Variants in GPR119 observed in about 807,000 individuals in gnomAD.
GPR119 encodes glucose-dependent insulinotropic receptor.
Under a neutral mutation model 13.3 loss-of-function variants are expected in GPR119, and 7 were observed. The ratio of observed to expected loss-of-function variants is 0.53; its 90% CI spans 0.30 to 0.99. The LOEUF (loss-of-function observed/expected upper bound fraction) is 0.99, where lower values mean the gene tolerates loss of function less well. Ranked by LOEUF, GPR119 falls within the 50% of genes least tolerant of loss-of-function variation. The pLI is 0.06. For missense variants in GPR119, 197 were observed against 263.0 expected (o/e 0.75, Z 1.74); for synonymous variants, 107 against 112.5 (o/e 0.95, Z 0.31).
rs1282025416 is a variant in GPR119, at chrX:130,380,293, A to G, written c.*2263T>C. Among the ~76,000 whole-genome samples the G allele has an allele frequency of 2.7e-5, 3 of 112,322 alleles. No individual in the cohort carries two copies. Among genetic ancestry groups the G allele is most frequent in the African/African-American group, 9.7e-5 (3 of 30,863 alleles). ...AATCAAGGTCATGAGTTCAATTCCCATTTGAACCAGTTAACACTTCTCCTT... is the reference window on the plus strand; with the variant it reads ...AATCAAGGTCATGAGTTCAATTCCCGTTTGAACCAGTTAACACTTCTCCTT... On this transcript the variant is annotated 3_prime_UTR_variant, in exon 2 of 2. Coordinates refer to ENST00000682440, the MANE Select transcript of GPR119 (RefSeq NM_178471.3).
Position 130,385,390 on chromosome X carries a change from C to A in GPR119, c.58G>T (p.Ala20Ser), listed in dbSNP as rs1357426177. ...GCCACAGCCACTAGTGTGTTAGTAG[C>A]AATGATGAGGGAGGCCAGGACAGCA... The part of the protein sequence containing the change: ...ILAVLASLII[A>S]TNTLVAVAVL... Residue 20 changes from alanine to serine, a missense_variant, in exon 1 of 2, where the codon GCT becomes TCT. Physicochemically the swap from Ala to Ser is moderately conservative, Grantham distance 99. Coordinates refer to ENST00000682440, the MANE Select transcript of GPR119 (RefSeq NM_178471.3). The A allele has an allele frequency of 8.3e-7, 1 of 1,209,386 alleles. No homozygotes were observed. The highest frequency in any genetic ancestry group is 1.7e-5 in the African/African-American group (1 of 57,209).
intron 1 of GPR119, among the ~76,000 whole-genome samples, chrX:130,383,939 A>G (rs1219931862): frequency 9.0e-6 from 1 of 110,685 alleles, no homozygotes; most frequent in Non-Finnish European, 1.9e-5. Context: ...ACTTAGTATG[A>G]AAAAAAAACC....
chrX:130,385,594 T>C lies in GPR119; in HGVS notation c.-147A>G. The C allele has an allele frequency of 1.9e-6, 1 of 535,036 alleles. No homozygotes were observed. 44.1% of individuals were successfully genotyped at this position (535,036 alleles called of 1,213,427 possible). ...AGTCCAGGCTGGCAGGTCGCCATCTTTGGGATCCTACAGGTCATGAAGAAT... is the reference window on the plus strand; with the variant it reads ...AGTCCAGGCTGGCAGGTCGCCATCTCTGGGATCCTACAGGTCATGAAGAAT... On this transcript the variant is annotated 5_prime_UTR_variant, in exon 1 of 2. Coordinates refer to ENST00000682440, the MANE Select transcript of GPR119 (RefSeq NM_178471.3).
Position 130,380,879 on chromosome X carries a change from A to G in GPR119, c.*1677T>C, listed in dbSNP as rs2034355337. 8.9e-6 allele frequency among the ~76,000 whole-genome samples: 1 copy of G among 112,336 alleles called. No homozygotes were observed. The highest frequency in any genetic ancestry group is 3.2e-5 in the African/African-American group (1 of 30,909). On this transcript the variant is annotated 3_prime_UTR_variant, in exon 2 of 2. Coordinates refer to ENST00000682440, the MANE Select transcript of GPR119 (RefSeq NM_178471.3). ...AATTCACAGTAAGCTGTTCATGGAA[A>G]TAATAAATGGGACTGATTGGCCTAC...
rs2034372121 is a variant in GPR119, at chrX:130,384,440, T to C, written c.1008A>G (p.Ter336=). The C allele has an allele frequency of 8.3e-7, 1 of 1,208,714 alleles. No homozygotes were observed. Residue 336 remains the stop codon, a stop_retained_variant, in exon 1 of 2, where the codon TAA becomes TAG. Coordinates refer to ENST00000682440, the MANE Select transcript of GPR119 (RefSeq NM_178471.3). ...TTGAAACTTCTCTGCCCTTACCGTC[T>C]TAGCCATCAAACTCTGAGCTGGAGA... The part of the protein sequence containing the change: ...VTISSSEFDG[*]
At chrX:130,382,649 G>A (rs2034363881) in intron 1 of GPR119, among the ~76,000 whole-genome samples, 98 bp from the exon 2 acceptor site, 1 of 111,602 alleles carries the variant, frequency 9.0e-6, no homozygotes, top group East Asian at 2.8e-4. Context: ...GGTGAAGGTA[G>A]GGAGAAGGAA....
In GPR119 at chrX:130,385,333, C is replaced by G; in HGVS notation, c.115G>C (p.Val39Leu). 1 of 1,212,050 alleles carries G rather than the reference C, an allele frequency of 8.3e-7. No individual in the cohort carries two copies. Among genetic ancestry groups the G allele is most frequent in the Non-Finnish European group, 1.1e-6 (1 of 895,475 alleles). ...VLLLIHKNDGVSLCFTLNLAV... is the reference protein window; with the variant it reads ...VLLLIHKNDGLSLCFTLNLAV... ...AGATTCAAGGTGAAGCAGAGACTGA[C>G]ACCATCATTCTTGTGGATCAACAGC... is the stretch of plus-strand genomic sequence containing the variant. Residue 39 changes from valine to leucine, a missense_variant, in exon 1 of 2, where the codon GTC becomes CTC. Transcript: ENST00000682440.
chrX:130,384,112 G>T (rs1253132920), intron 1 of GPR119, among the ~76,000 whole-genome samples: 1 of 112,574 alleles, frequency 8.9e-6, no homozygotes, highest in Non-Finnish European at 1.9e-5. Flanking sequence ...GGACAGTGCT[G>T]CTCTGGTATA....
chrX:130,380,549 C>T lies in GPR119; in HGVS notation c.*2007G>A, dbSNP rs193182130. On this transcript the variant is annotated 3_prime_UTR_variant, in exon 2 of 2. Coordinates refer to ENST00000682440, the MANE Select transcript of GPR119 (RefSeq NM_178471.3). ...ATTAATATAAAACTTAGTCATGTTA[C>T]AATTTTAATTACAAATTCAGCCTGG... Among the ~76,000 whole-genome samples, 98 of 112,834 alleles carry T rather than the reference C, an allele frequency of 8.7e-4. 2 individuals carry two copies. Among genetic ancestry groups the T allele is most frequent in the African/African-American group, 2.6e-3 (82 of 31,099 alleles).
Position 130,379,775 on chromosome X carries a change from A to ACTTTGTGAT in GPR119, c.*2772_*2780dup, listed in dbSNP as rs1378576356. Among the ~76,000 whole-genome samples the ACTTTGTGAT allele has an allele frequency of 8.9e-6, 1 of 112,409 alleles. No individual in the cohort carries two copies. The highest frequency in any genetic ancestry group is 3.2e-5 in the African/African-American group (1 of 30,974). The stretch of plus-strand genomic sequence containing the variant: ...ATCTCTGGATAGTATAATTATGGGT[A>ACTTTGTGAT]CTTTGTGATTTCCTATGTTTGCAAA... On this transcript the variant is annotated 3_prime_UTR_variant, in exon 2 of 2. Transcript: ENST00000682440.
At position 130,381,262 on chromosome X, in the gene GPR119, T is replaced by C. The variant is rs138544747; in HGVS notation, c.*1294A>G. Among the ~76,000 whole-genome samples the C allele has an allele frequency of 0.035, 3,925 of 111,420 alleles. 152 individuals are homozygous for C. The highest frequency in any genetic ancestry group is 0.12 in the African/African-American group (3,575 of 30,524). On this transcript the variant is annotated 3_prime_UTR_variant, in exon 2 of 2. Transcript: ENST00000682440. ...GCCGCCCAGGTTCAAGCGATTTTCCTGCCTTAGCCTCTTGAGTAGCTGGGA... is the reference window on the plus strand; with the variant it reads ...GCCGCCCAGGTTCAAGCGATTTTCCCGCCTTAGCCTCTTGAGTAGCTGGGA...
chrX:130,385,518 G>A lies in GPR119; in HGVS notation c.-71C>T. 2 of 1,046,902 alleles carry A rather than the reference G, an allele frequency of 1.9e-6. No individual in the cohort carries two copies. The highest frequency in any genetic ancestry group is 2.6e-6 in the Non-Finnish European group (2 of 758,522). The allele number at this position is 1,046,902 out of a possible 1,213,427, so 86.3% of individuals were successfully genotyped here. A position where few individuals can be genotyped will look rare whatever the true frequency, so the allele number is the denominator to read the frequency against. On this transcript the variant is annotated 5_prime_UTR_variant, in exon 1 of 2. Coordinates refer to ENST00000682440, the MANE Select transcript of GPR119 (RefSeq NM_178471.3). ...CAGCTGAAATTCTCATGGGCCAGGG[G>A]CAGAGGAGCTGTGGGTTCAGAGCTA...
rs895088251 is a variant in GPR119 at position 130,381,360 on chromosome X, A to G, written c.*1196T>C. ...GAGACAGCTTTTCACCATATTGGTC[A>G]GGCTGGTCTTGAACCCCTGACCTCG... On this transcript the variant is annotated 3_prime_UTR_variant, in exon 2 of 2. Transcript: ENST00000682440. Among the ~76,000 whole-genome samples the G allele has an allele frequency of 1.8e-5, 2 of 111,387 alleles. No individual in the cohort carries two copies. Among genetic ancestry groups the G allele is most frequent in the Admixed American group, 1.9e-4 (2 of 10,505 alleles).
In GPR119 at chrX:130,381,145, T is replaced by TTTTG. The variant is rs1556356332; in HGVS notation, c.*1407_*1410dup. On this transcript the variant is annotated 3_prime_UTR_variant, in exon 2 of 2. Transcript: ENST00000682440. ...AACACAGTGTTGTTGCTGTTTTTTT[T>TTTTG]TTTGTTTGTTTGTTTGTTTTTTTGA... Among the ~76,000 whole-genome samples, 1 of 109,529 alleles carries TTTTG rather than the reference T, an allele frequency of 9.1e-6. No individual in the cohort carries two copies. Among genetic ancestry groups the TTTTG allele is most frequent in the Non-Finnish European group, 1.9e-5 (1 of 52,480 alleles).
In GPR119 at chrX:130,384,944, G is replaced by C. The variant is rs1371948300; in HGVS notation, c.504C>G (p.Thr168=). 8.3e-7 allele frequency: 1 copy of C among 1,210,467 alleles called. No individual in the cohort carries two copies. The highest frequency in any genetic ancestry group is 1.1e-6 in the Non-Finnish European group (1 of 895,359). Residue 168 remains threonine, a synonymous_variant, in exon 1 of 2, where the codon ACC becomes ACG. Coordinates refer to ENST00000682440, the MANE Select transcript of GPR119 (RefSeq NM_178471.3). The part of the protein sequence containing the change: ...FAVFHPHFVL[T]LSCVGFFPAM... ...CTGGGAAGAAGCCAACGCAGGAGAG[G>C]GTCAGCACGAAGTGAGGGTGAAATA...
At position 130,384,548 on chromosome X, in the gene GPR119, C is replaced by T. The variant is rs202233604; in HGVS notation, c.900G>A (p.Val300=). ...AGAGAAAGAGGAGGAATGAGGTGAG[C>T]ACCTTCTTCACTCCTAGGGCCATGT... ...LYHMALGVKK[V]LTSFLLFLSA... is the part of the protein sequence containing the mutation. Residue 300 remains valine (V), a synonymous_variant, in exon 1 of 2, where the codon GTG becomes GTA. Coordinates refer to ENST00000682440, the MANE Select transcript of GPR119 (RefSeq NM_178471.3). The T allele has an allele frequency of 6.9e-5, 84 of 1,209,976 alleles. No individual in the cohort carries two copies. Among genetic ancestry groups the T allele is most frequent in the Non-Finnish European group, 9.3e-5 (83 of 894,848 alleles).
Position 130,384,935 on chromosome X carries a change from G to T in GPR119, c.513C>A (p.Cys171Ter), listed in dbSNP as rs1167919969. The T allele has an allele frequency of 8.3e-7, 1 of 1,212,061 alleles. No homozygotes were observed. The highest frequency in any genetic ancestry group is 2.2e-5 in the Admixed American group (1 of 46,079). Residue 171 changes from cysteine (C) to a stop codon, truncating the protein, a stop_gained, in exon 1 of 2, where the codon TGC (cysteine) becomes TGA (stop). Transcript: ENST00000682440. LOFTEE classifies it high-confidence loss of function. ...GGAGCATGGCTGGGAAGAAGCCAAC[G>T]CAGGAGAGGGTCAGCACGAAGTGAG... is the stretch of plus-strand genomic sequence containing the variant. ...FHPHFVLTLS[C>*]VGFFPAMLLF...
intron 1 of GPR119, 37 bp downstream of exon 1, chrX:130,384,399 G>C: frequency 8.7e-7 from 1 of 1,155,107 alleles, no homozygotes; most frequent in Non-Finnish European, 1.2e-6. Flanking sequence ...TCCAGAGTGG[G>C]GAGGAGAAAG....
At chrX:130,383,997 C>T (rs749314611) in intron 1 of GPR119, among the ~76,000 whole-genome samples, 1 of 112,056 alleles carries the variant, frequency 8.9e-6, no homozygotes, top group Non-Finnish European at 1.9e-5. Flanking sequence ...ATATTGGTTA[C>T]GTTGGGATAA....
Sources: allele counts gnomAD v4.1 joint callset (sites outside exome capture counted in the v4.1 genomes callset), GRCh38; gene constraint gnomAD v4.1.1; transcripts MANE v1.5; gene names NCBI Gene and HGNC (gene_info 2026-07-23, HGNC 2026-07-21).